The following HYDIN variants were observed in gnomAD, a reference collection of about 807,000 sequenced individuals.
The protein encoded by HYDIN is axonemal central pair apparatus protein HYDIN.
In HYDIN, 132 loss-of-function variants were observed where a neutral mutation model predicts 403.9. The ratio of observed to expected loss-of-function variants is 0.33; its 90% CI spans 0.28 to 0.38. The LOEUF (loss-of-function observed/expected upper bound fraction) is 0.38. Among genes scored for constraint, HYDIN ranks in the 10% least tolerant of loss-of-function variants. HYDIN has a pLI of 1.00. For missense variants in HYDIN, 2,827 were observed against 5,009.5 expected (o/e 0.56, Z 13.15); for synonymous variants, 1,202 against 1,891.7 (o/e 0.64, Z 9.46).
At chr16:70,821,656 C>T (rs62048043) in intron 83 of HYDIN, among the ~76,000 whole-genome samples, 6,535 of 151,946 alleles carry the variant, frequency 0.043, 209 homozygotes, top group East Asian at 0.098. Flanking sequence ...GAAAATGAAA[C>T]GATGCCTGAT....
intron 19 of HYDIN, 135 bp downstream of exon 19, chr16:71,031,544 G>C: frequency 7.4e-7 from 1 of 1,346,658 alleles, no homozygotes; most frequent in East Asian, 2.6e-5. Context: ...GGAGGTGGAA[G>C]AGTGAGGATG....
chr16:70,959,614 T>C lies in HYDIN; in HGVS notation c.6142+33A>G, dbSNP rs750185299. 3 of 914,516 alleles carry C rather than the reference T, an allele frequency of 3.3e-6. 1 individual carries two copies. Among genetic ancestry groups the C allele is most frequent in the African/African-American group, 4.1e-5 (1 of 24,452 alleles). 56.7% of individuals were successfully genotyped at this position (914,516 alleles called of 1,614,324 possible). A position where few individuals can be genotyped will look rare whatever the true frequency, so the allele number is the denominator to read the frequency against. Reference sequence around the variant, plus strand: ...GTTTACAGAGAAGACATGGCACTGCTGGTCTTAACCTCCCCTCAGAACTGT... The same window carrying C: ...GTTTACAGAGAAGACATGGCACTGCCGGTCTTAACCTCCCCTCAGAACTGT... On this transcript the variant is annotated intron_variant, in intron 39 of 85. Transcript: ENST00000393567.
intron 7 of HYDIN, among the ~76,000 whole-genome samples, chr16:71,145,776 T>G (rs1245237422): frequency 6.6e-6 from 1 of 152,180 alleles, no homozygotes; most frequent in Non-Finnish European, 1.5e-5. Context: ...GAAAGAACAC[T>G]GCCCAGGAGG....
chr16:71,205,585 G>A (rs1013635062), intron 1 of HYDIN, among the ~76,000 whole-genome samples: 3 of 152,236 alleles, frequency 2.0e-5, no homozygotes, highest in Non-Finnish European at 1.5e-5. Context: ...GGCCACAGTT[G>A]TAGTTCCGAG....
chr16:70,868,940 A>T, intron 65 of HYDIN, 152 bp from the exon 66 acceptor site: 1 of 629,624 alleles, frequency 1.6e-6, no homozygotes, highest in Non-Finnish European at 2.7e-6. Flanking sequence ...AAATATGTAC[A>T]TGAGGATCTT....
chr16:71,070,341 CAG>C (rs1407411557), intron 13 of HYDIN, among the ~76,000 whole-genome samples: 35 of 141,736 alleles, frequency 2.5e-4, no homozygotes, highest in African/African-American at 8.3e-4. Flanking sequence ...TTTTTTGAGA[CAG>C]AGTCTTGCTC....
chr16:71,017,033 C>T (rs1350452338), intron 23 of HYDIN, among the ~76,000 whole-genome samples: 1 of 151,902 alleles, frequency 6.6e-6, no homozygotes, highest in African/African-American at 2.4e-5. Flanking sequence ...CTCATGAGAT[C>T]TGATGGTTTA....
chr16:71,094,075 C>G, intron 10 of HYDIN, 140 bp from the exon 11 acceptor site: 1 of 620,030 alleles, frequency 1.6e-6, no homozygotes, highest in South Asian at 3.0e-5. Context: ...TGCAATTTAA[C>G]TAACGCTGAA....
At chr16:71,134,401 C>T (rs1180356318) in intron 8 of HYDIN, among the ~76,000 whole-genome samples, 1 of 152,238 alleles carries the variant, frequency 6.6e-6, no homozygotes, top group Non-Finnish European at 1.5e-5. Flanking sequence ...GAAGAAGGTG[C>T]ACCCCATTAT....
At chr16:70,892,240 C>T (rs1213314830) in intron 56 of HYDIN, 121 bp downstream of exon 56, 53 of 1,168,010 alleles carry the variant, frequency 4.5e-5, no homozygotes, top group Admixed American at 6.0e-5. Flanking sequence ...TATCTGGTTG[C>T]CACCCAGGCC....
rs554251810 is a variant in HYDIN at position 70,897,627 on chromosome 16, T to C, written c.9049-1547A>G. Among the ~76,000 whole-genome samples the C allele has an allele frequency of 9.8e-5, 14 of 143,564 alleles. No homozygotes were observed. In the East Asian group the frequency reaches 2.5e-3, roughly 26 times the overall value. The allele number at this position is 143,564 out of a possible 152,430, so 94.2% of individuals were successfully genotyped here. A position where few individuals can be genotyped will look rare whatever the true frequency, so the allele number is the denominator to read the frequency against. On this transcript the variant is annotated intron_variant, in intron 53 of 85. Coordinates refer to ENST00000393567, the MANE Select transcript of HYDIN (RefSeq NM_001270974.2). ...CTTCCCCAGGGTGGGTCGGAGGCAG[T>C]GGGGAGGCTGAATTTTGAATTGAGG...
intron 19 of HYDIN, among the ~76,000 whole-genome samples, chr16:71,030,071 A>G (rs1034504392): frequency 1.2e-4 from 19 of 152,178 alleles, no homozygotes; most frequent in Non-Finnish European, 2.5e-4. Context: ...TTAATTTGAG[A>G]TGAAGTCTTG....
At chr16:71,218,388 T>C (rs373028134) in intron 1 of HYDIN, among the ~76,000 whole-genome samples, 3 of 152,232 alleles carry the variant, frequency 2.0e-5, no homozygotes, top group East Asian at 1.9e-4. Flanking sequence ...AATACTAATC[T>C]ACTGGAATCC....
chr16:70,997,106 G>A (rs1309092267), intron 23 of HYDIN, among the ~76,000 whole-genome samples: 1 of 151,276 alleles, frequency 6.6e-6, no homozygotes, highest in African/African-American at 2.4e-5. Flanking sequence ...CCTTACATGT[G>A]CAGTTCACAA....
rs541531255 is a variant in HYDIN, at chr16:70,804,551, G to A, written c.*3029C>T. 1.7e-4 allele frequency among the ~76,000 whole-genome samples: 26 copies of A among 152,338 alleles called. No homozygotes were observed. Among genetic ancestry groups the A allele is most frequent in the African/African-American group, 3.8e-4 (16 of 41,584 alleles). On this transcript the variant is annotated 3_prime_UTR_variant, in exon 86 of 86. Transcript: ENST00000393567. The stretch of plus-strand genomic sequence containing the variant: ...GCATTCTTTGGTGAATCAGCTTCTC[G>A]TGAGGTCCTTCAGATCAGCTGATGT...
At chr16:71,152,405 T>C (rs944754818) in intron 7 of HYDIN, among the ~76,000 whole-genome samples, 1 of 151,246 alleles carries the variant, frequency 6.6e-6, no homozygotes, top group South Asian at 2.1e-4. Context: ...AGGTGGTGTT[T>C]AGTTACATGA....
At chr16:70,818,724 G>T in intron 83 of HYDIN, 152 bp from the exon 84 acceptor site, 1 of 562,582 alleles carries the variant, frequency 1.8e-6, no homozygotes, top group Non-Finnish European at 3.2e-6. Flanking sequence ...AGCCTATCCG[G>T]ATCCCTGCCA....
In HYDIN at chr16:71,062,244, G is replaced by A. The variant is rs757487996; in HGVS notation, c.2301C>T (p.Val767=). 37 of 1,512,402 alleles carry A rather than the reference G, an allele frequency of 2.4e-5. No individual in the cohort carries two copies. The highest frequency in any genetic ancestry group is 3.3e-5 in the Non-Finnish European group (36 of 1,100,350). The allele number at this position is 1,512,402 out of a possible 1,614,324, so 93.7% of individuals were successfully genotyped here. A position where few individuals can be genotyped will look rare whatever the true frequency, so the allele number is the denominator to read the frequency against. The change falls in exon 17 of 86, where the codon GTC becomes GTT. Residue 767 remains valine, a synonymous_variant. Transcript: ENST00000393567. ...GTTCTCCAGTGACCTGGGTCTCCAG[G>A]ACCAGTGGTATGTGGATGGTGCTGC... ...SPSSTIHIPL[V]LETQVTGEHR...
intron 5 of HYDIN, among the ~76,000 whole-genome samples, chr16:71,171,545 A>C (rs946206641): frequency 6.6e-6 from 1 of 152,208 alleles, no homozygotes; most frequent in Non-Finnish European, 1.5e-5. Context: ...TTTTCTGGGT[A>C]CTACACTATC....
Sources: gnomAD v4.1 joint callset for allele counts (sites outside exome capture counted in the v4.1 genomes callset) on GRCh38, gnomAD v4.1.1 for gene constraint, MANE v1.5 for transcripts, NCBI Gene and HGNC (gene_info 2026-07-23, HGNC 2026-07-21) for gene names.